Variants in PHACTR1 observed in about 807,000 individuals in gnomAD.
PHACTR1 encodes phosphatase and actin regulator 1, also known as RPEL repeat containing 1.
PHACTR1 carries 16 observed loss-of-function variants against 69.2 expected under a neutral mutation model. The ratio of observed to expected loss-of-function variants is 0.23; its 90% CI spans 0.16 to 0.35. The LOEUF (loss-of-function observed/expected upper bound fraction) is 0.35. Among genes scored for constraint, PHACTR1 ranks in the 10% least tolerant of loss-of-function variants. PHACTR1 has a pLI of 1.00. For synonymous variants in PHACTR1, 312 were observed against 284.5 expected, an observed-to-expected ratio of 1.10 and a Z score of -0.97; for missense variants, 510 against 734.7, an observed-to-expected ratio of 0.69 and a Z score of 3.54.
chr6:12,788,550 A>G (rs912473574), intron 4 of PHACTR1, among the ~76,000 whole-genome samples: 5 of 152,246 alleles, frequency 3.3e-5, no homozygotes, highest in Admixed American at 6.5e-5. Flanking sequence ...TTAGATGGAA[A>G]AAGATTCCAA....
At chr6:12,954,746 T>C (rs539785768) in intron 4 of PHACTR1, among the ~76,000 whole-genome samples, 62 of 152,354 alleles carry the variant, frequency 4.1e-4, no homozygotes, top group South Asian at 8.3e-4. Flanking sequence ...TTTGATGTTT[T>C]ATTGTTCCAC....
At chr6:12,786,288 G>A (rs1311979560) in intron 4 of PHACTR1, among the ~76,000 whole-genome samples, 1 of 152,196 alleles carries the variant, frequency 6.6e-6, no homozygotes, top group African/African-American at 2.4e-5. Flanking sequence ...GCACATTCAT[G>A]CATGTGTGTG....
At chr6:13,222,176 A>T (rs1768774680) in intron 8 of PHACTR1, among the ~76,000 whole-genome samples, 1 of 152,208 alleles carries the variant, frequency 6.6e-6, no homozygotes, top group Non-Finnish European at 1.5e-5. Context: ...GTCCATTTGA[A>T]TTTGAAGCCA....
chr6:13,239,000 C>T (rs1772420853), intron 10 of PHACTR1, among the ~76,000 whole-genome samples: 1 of 152,186 alleles, frequency 6.6e-6, no homozygotes, highest in Non-Finnish European at 1.5e-5. Flanking sequence ...GCGCCATTAT[C>T]ATCACCATCA....
At chr6:13,097,028 G>A (rs1232265771) in intron 5 of PHACTR1, among the ~76,000 whole-genome samples, 1 of 152,190 alleles carries the variant, frequency 6.6e-6, no homozygotes, top group African/African-American at 2.4e-5. Context: ...CAAGCTCTCT[G>A]TTACTATAAA....
intron 4 of PHACTR1, among the ~76,000 whole-genome samples, chr6:12,801,576 G>A (rs1421905557): frequency 1.3e-5 from 2 of 152,172 alleles, no homozygotes; most frequent in Non-Finnish European, 2.9e-5. Flanking sequence ...GAAGGGGGAG[G>A]AATTAATTGC....
In PHACTR1 at chr6:13,261,015, G is replaced by A. The variant is rs573173293; in HGVS notation, c.1392-11845G>A. Among the ~76,000 whole-genome samples, 15 of 152,264 alleles carry A rather than the reference G, an allele frequency of 9.9e-5. No homozygotes were observed. In the East Asian group the frequency reaches 1.3e-3, roughly 14 times the overall value. ...TTTAGCACCCTGGCCTCTATCTACC[G>A]GATGCCAACAGCACCCTCTCAATCG... On this transcript the variant is annotated intron_variant, in intron 10 of 14. Coordinates refer to ENST00000332995, the MANE Select transcript of PHACTR1 (RefSeq NM_030948.6).
chr6:13,089,139 A>C (rs1429642590), intron 5 of PHACTR1, among the ~76,000 whole-genome samples: 1 of 152,154 alleles, frequency 6.6e-6, no homozygotes, highest in Admixed American at 6.5e-5. Flanking sequence ...TTACAAACAC[A>C]GTCCCCTCCC....
At chr6:12,910,696 C>T (rs540411196) in intron 4 of PHACTR1, among the ~76,000 whole-genome samples, 1 of 152,282 alleles carries the variant, frequency 6.6e-6, no homozygotes, top group Admixed American at 6.5e-5. Context: ...ACTGGATGCC[C>T]ACTATGAGCA....
rs1019160737 is a variant in PHACTR1 at position 12,895,484 on chromosome 6, A to C, written c.250+145694A>C. Among the ~76,000 whole-genome samples the C allele has an allele frequency of 2.0e-5, 3 of 152,092 alleles. 1 individual carries two copies. In the East Asian group the frequency reaches 5.8e-4, roughly 29 times the overall value. ...AGGCATGAGCCACCATGCCCAGCTG[A>C]TTCTTTCTATTTTTACTGTTAACAA... is the stretch of plus-strand genomic sequence containing the variant. On this transcript the variant is annotated intron_variant, in intron 4 of 14. Coordinates refer to ENST00000332995, the MANE Select transcript of PHACTR1 (RefSeq NM_030948.6).
intron 4 of PHACTR1, among the ~76,000 whole-genome samples, chr6:12,789,303 C>A (rs1445620454): frequency 6.6e-6 from 1 of 152,092 alleles, no homozygotes; most frequent in African/African-American, 2.4e-5. Context: ...GCCTGGTTTC[C>A]AGGACAGCCC....
At position 13,017,378 on chromosome 6, in the gene PHACTR1, C is replaced by T. The variant is rs78285614; in HGVS notation, c.251-35987C>T. 3.8e-3 allele frequency among the ~76,000 whole-genome samples: 574 copies of T among 151,856 alleles called. 5 individuals are homozygous for T. The highest frequency in any genetic ancestry group is 0.013 in the African/African-American group (546 of 41,418). ...TATACATGTGCAGTCTCAATAAGCT[C>T]GGTTTATTATGGTAAAGAATGAGAA... On this transcript the variant is annotated intron_variant, in intron 4 of 14. Coordinates refer to ENST00000332995, the MANE Select transcript of PHACTR1 (RefSeq NM_030948.6).
intron 5 of PHACTR1, among the ~76,000 whole-genome samples, chr6:13,113,679 T>C (rs1223823453): frequency 6.6e-6 from 1 of 152,224 alleles, no homozygotes; most frequent in Non-Finnish European, 1.5e-5. Flanking sequence ...TCACTTTTAA[T>C]GATTTTCAGC....
In PHACTR1 at chr6:13,230,239, T is replaced by G. The variant is rs1222742498; in HGVS notation, c.1391+46T>G. 3.2e-6 allele frequency: 5 copies of G among 1,575,400 alleles called. No homozygotes were observed. The African/African-American group carries it at 6.8e-5, about 21-fold the overall frequency. On this transcript the variant is annotated intron_variant, in intron 10 of 14. Transcript: ENST00000332995. ...GCCTCCCTGGCAGTGGGCCTTTAGCTCTCCAGGTTCTAGCAAAAGAATTCA... is the reference window on the plus strand; with the variant it reads ...GCCTCCCTGGCAGTGGGCCTTTAGCGCTCCAGGTTCTAGCAAAAGAATTCA...
chr6:13,091,415 A>G (rs1352359258), intron 5 of PHACTR1, among the ~76,000 whole-genome samples: 1 of 152,154 alleles, frequency 6.6e-6, no homozygotes, highest in Non-Finnish European at 1.5e-5. Flanking sequence ...CTACAGCTGT[A>G]GTTCACTGAG....
At chr6:13,123,945 G>A (rs1407887758) in intron 5 of PHACTR1, among the ~76,000 whole-genome samples, 1 of 152,138 alleles carries the variant, frequency 6.6e-6, no homozygotes, top group Non-Finnish European at 1.5e-5. Context: ...CCCTGCACCC[G>A]AAGTCAGACA....
chr6:13,079,314 T>G (rs1811020159), intron 5 of PHACTR1, among the ~76,000 whole-genome samples: 1 of 152,172 alleles, frequency 6.6e-6, no homozygotes, highest in Non-Finnish European at 1.5e-5. Flanking sequence ...TGGGTGTTTA[T>G]AATTCAGATC....
intron 4 of PHACTR1, among the ~76,000 whole-genome samples, chr6:12,791,338 C>A (rs1772246115): frequency 6.6e-6 from 1 of 152,068 alleles, no homozygotes; most frequent in Admixed American, 6.6e-5. Flanking sequence ...CTATTTCCTG[C>A]CCTGGGATGG....
chr6:13,143,629 C>G (rs1325731965), intron 5 of PHACTR1, among the ~76,000 whole-genome samples: 3 of 151,882 alleles, frequency 2.0e-5, no homozygotes, highest in African/African-American at 7.3e-5. Context: ...TACTGCTACC[C>G]CTGGTGCTCA....
Sources: gnomAD v4.1 joint callset for allele counts (sites outside exome capture counted in the v4.1 genomes callset) on GRCh38, gnomAD v4.1.1 for gene constraint, MANE v1.5 for transcripts, NCBI Gene and HGNC (gene_info 2026-07-23, HGNC 2026-07-21) for gene names.